SPPL3: variants seen among roughly 807,000 people sequenced by gnomAD.
SPPL3 encodes the protein signal peptide peptidase like 3.
In SPPL3, 5 loss-of-function variants were observed where a neutral mutation model predicts 42.4. That is an observed-to-expected ratio of 0.12 (90% CI 0.06 to 0.25). SPPL3 has a LOEUF of 0.25. Among genes scored for constraint, SPPL3 ranks in the 10% least tolerant of loss-of-function variants. The pLI, the probability that SPPL3 is intolerant of heterozygous loss-of-function variation, is 1.00. For synonymous variants in SPPL3, 195 were observed against 181.8 expected, an observed-to-expected ratio of 1.07 and a Z score of -0.58; for missense variants, 235 against 489.0, an observed-to-expected ratio of 0.48 and a Z score of 4.90.
intron 1 of SPPL3, among the ~76,000 whole-genome samples, chr12:120,863,334 C>T (rs1052465229): frequency 6.7e-6 from 1 of 149,644 alleles, no homozygotes; most frequent in African/African-American, 2.5e-5. Flanking sequence ...GGTGACAGAG[C>T]GAGACTCCAT....
chr12:120,823,527 G>C (rs567639722), intron 1 of SPPL3, among the ~76,000 whole-genome samples: 42 of 152,076 alleles, frequency 2.8e-4, no homozygotes, highest in African/African-American at 1.0e-3. Flanking sequence ...CAGCTCCCAC[G>C]ACATCCTACT....
chr12:120,839,476 T>G (rs1871734043), intron 1 of SPPL3, among the ~76,000 whole-genome samples: 1 of 151,930 alleles, frequency 6.6e-6, no homozygotes, highest in African/African-American at 2.4e-5. Flanking sequence ...ACCTGTACAT[T>G]GTGCACATGT....
chr12:120,851,613 T>G (rs1872227306), intron 1 of SPPL3, among the ~76,000 whole-genome samples: 1 of 152,144 alleles, frequency 6.6e-6, no homozygotes, highest in African/African-American at 2.4e-5. Flanking sequence ...CATTCTTTTT[T>G]GTTTTTTTGA....
At chr12:120,840,939 CA>C (rs1478028313) in intron 1 of SPPL3, among the ~76,000 whole-genome samples, 1 of 59,580 alleles carries the variant, frequency 1.7e-5, no homozygotes, top group Non-Finnish European at 5.4e-5. Flanking sequence ...GACTCCATTT[CA>C]TTCATTCATT....
chr12:120,830,003 A>T (rs1207171423), intron 1 of SPPL3, among the ~76,000 whole-genome samples: 8 of 151,462 alleles, frequency 5.3e-5, no homozygotes, highest in Non-Finnish European at 1.2e-4. Flanking sequence ...TCAAAAAAAA[A>T]AAAAAAGAAG....
chr12:120,859,458 G>C (rs570593043), intron 1 of SPPL3, among the ~76,000 whole-genome samples: 37 of 152,294 alleles, frequency 2.4e-4, no homozygotes, highest in African/African-American at 8.7e-4. Flanking sequence ...CTGAAGTTAA[G>C]AATTGTGACA....
At chr12:120,895,850 C>T (rs1223937755) in intron 1 of SPPL3, among the ~76,000 whole-genome samples, 1 of 152,156 alleles carries the variant, frequency 6.6e-6, no homozygotes, top group African/African-American at 2.4e-5. Flanking sequence ...GAGATGAAAA[C>T]CACCCTCACG....
chr12:120,880,848 C>T (rs1165848337), intron 1 of SPPL3, among the ~76,000 whole-genome samples: 7 of 151,374 alleles, frequency 4.6e-5, no homozygotes, highest in Non-Finnish European at 8.8e-5. Context: ...CCAGAATATA[C>T]TAATAACTAC....
chr12:120,876,016 A>ACCCCCCCCCCCCCCC (rs36042995), intron 1 of SPPL3, among the ~76,000 whole-genome samples: 1 of 144,026 alleles, frequency 6.9e-6, no homozygotes, highest in Non-Finnish European at 1.5e-5. Context: ...AAACAAACAG[A>ACCCCCCCCCCCCCCC]CCCCCCCCAC....
intron 1 of SPPL3, among the ~76,000 whole-genome samples, chr12:120,885,975 C>A (rs1873441259): frequency 6.6e-6 from 1 of 151,222 alleles, no homozygotes; most frequent in Non-Finnish European, 1.5e-5. Flanking sequence ...CTGCCTCACA[C>A]TCCTGAGTAG....
intron 1 of SPPL3, among the ~76,000 whole-genome samples, chr12:120,870,157 A>G (rs895191130): frequency 3.3e-5 from 5 of 152,210 alleles, no homozygotes; most frequent in Admixed American, 2.0e-4. Flanking sequence ...TAATAAAGAA[A>G]AAAAAGGGCC....
chr12:120,842,965 T>C (rs565121492), intron 1 of SPPL3, among the ~76,000 whole-genome samples: 1 of 152,300 alleles, frequency 6.6e-6, no homozygotes, highest in Non-Finnish European at 1.5e-5. Context: ...GCAGTACACA[T>C]ACAAAACAAC....
At chr12:120,903,709 G>A in intron 1 of SPPL3, 136 bp downstream of exon 1, 2 of 743,292 alleles carry the variant, frequency 2.7e-6, no homozygotes, top group South Asian at 2.3e-5. Flanking sequence ...GTGGGGAAGA[G>A]GGGGGCGTGC....
rs146900209 is a variant in SPPL3 at position 120,816,556 on chromosome 12, A to G, written c.24-5670T>C. ...GAGACAGGGTTTCACCTGTTGCTTA[A>G]GCTGGAGTGCAGTGGCACGGTCTTG... On this transcript the variant is annotated intron_variant, in intron 1 of 10. Transcript: ENST00000353487. 5.9e-3 allele frequency among the ~76,000 whole-genome samples: 892 copies of G among 152,214 alleles called. 11 individuals are homozygous for G. Among genetic ancestry groups the G allele is most frequent in the African/African-American group, 0.019 (807 of 41,536 alleles).
chr12:120,853,219 A>G (rs1453477953), intron 1 of SPPL3, among the ~76,000 whole-genome samples: 1 of 152,170 alleles, frequency 6.6e-6, no homozygotes, highest in Non-Finnish European at 1.5e-5. Context: ...CTTTACCATC[A>G]TCTTATCTGC....
rs982868124 is a variant in SPPL3 at position 120,889,151 on chromosome 12, A to C, written c.23+14694T>G. 2.0e-5 allele frequency among the ~76,000 whole-genome samples: 3 copies of C among 152,180 alleles called. No homozygotes were observed. In the South Asian group the frequency reaches 6.2e-4, roughly 32 times the overall value. ...CTTTCAAAAGCTATTTATAAAATAT[A>C]AACATCAGAATGAAAAACACAATGC... On this transcript the variant is annotated intron_variant, in intron 1 of 10. Coordinates refer to ENST00000353487, the MANE Select transcript of SPPL3 (RefSeq NM_139015.5).
chr12:120,807,943 T>C (rs1345128484), intron 2 of SPPL3, among the ~76,000 whole-genome samples: 2 of 114,738 alleles, frequency 1.7e-5, no homozygotes, highest in African/African-American at 5.1e-5. Context: ...AGAAATGCCT[T>C]ATTAAATTAT....
chr12:120,861,911 T>C (rs1004200240), intron 1 of SPPL3, among the ~76,000 whole-genome samples: 2 of 152,206 alleles, frequency 1.3e-5, no homozygotes, highest in Admixed American at 6.5e-5. Context: ...CTTTGGGCTG[T>C]AGTGCTCAAC....
chr12:120,778,290 A>T (rs1869405934), intron 6 of SPPL3, among the ~76,000 whole-genome samples: 1 of 151,216 alleles, frequency 6.6e-6, no homozygotes, highest in South Asian at 2.1e-4. Context: ...CTAATTTTTG[A>T]ACTTTTAGTA....
Sources: gnomAD v4.1 joint callset for allele counts (sites outside exome capture counted in the v4.1 genomes callset) on GRCh38, gnomAD v4.1.1 for gene constraint, MANE v1.5 for transcripts, NCBI Gene and HGNC (gene_info 2026-07-23, HGNC 2026-07-21) for gene names.